HHAT: variants seen among roughly 807,000 people sequenced by gnomAD.
HHAT encodes protein-cysteine N-palmitoyltransferase HHAT.
A neutral mutation model predicts 70.8 loss-of-function variants in HHAT; 47 were observed. The ratio of observed to expected loss-of-function variants is 0.66; its 90% CI spans 0.53 to 0.85. HHAT has a LOEUF of 0.85. Among genes scored for constraint, HHAT ranks in the 40% least tolerant of loss-of-function variants. The probability of loss-of-function intolerance (pLI) is 0.00; values close to 1 mark genes in which losing one functional copy is unlikely to be tolerated. For synonymous variants in HHAT, 228 were observed against 247.6 expected, an observed-to-expected ratio of 0.92 and a Z score of 0.74; for missense variants, 609 against 604.8, an observed-to-expected ratio of 1.01 and a Z score of -0.07.
chr1:210,526,453 T>G (rs2095251490), intron 9 of HHAT, among the ~76,000 whole-genome samples: 1 of 151,082 alleles, frequency 6.6e-6, no homozygotes, highest in Admixed American at 6.6e-5. Context: ...CGCATGATCT[T>G]TAGTTAGCTT....
intron 8 of HHAT, among the ~76,000 whole-genome samples, chr1:210,490,302 A>G (rs1479768477): frequency 1.3e-5 from 2 of 152,222 alleles, no homozygotes; most frequent in Non-Finnish European, 2.9e-5. Flanking sequence ...CATTCTAAAG[A>G]GAGGAAAGAT....
intron 3 of HHAT, among the ~76,000 whole-genome samples, chr1:210,374,891 T>G (rs2090056283): frequency 1.3e-5 from 2 of 152,108 alleles, no homozygotes; most frequent in Admixed American, 6.5e-5. Context: ...ACCCAGGTAC[T>G]GAGCACAGTA....
At chr1:210,363,723 T>C (rs1194063495) in intron 3 of HHAT, among the ~76,000 whole-genome samples, 1 of 152,234 alleles carries the variant, frequency 6.6e-6, no homozygotes, top group Non-Finnish European at 1.5e-5. Context: ...ATTTGTTTTC[T>C]AAGTATTTTT....
chr1:210,597,873 C>T (rs1558243549), intron 10 of HHAT, among the ~76,000 whole-genome samples: 23 of 151,818 alleles, frequency 1.5e-4, no homozygotes, highest in Non-Finnish European at 1.5e-5. Flanking sequence ...TTTCCTCTTC[C>T]CTCTTCTTTT....
chr1:210,392,810 A>G (rs2091542331), intron 4 of HHAT, among the ~76,000 whole-genome samples: 1 of 152,082 alleles, frequency 6.6e-6, no homozygotes, highest in South Asian at 2.1e-4. Context: ...CGTTTATAGG[A>G]GATACAACCC....
At chr1:210,576,846 C>G (rs1657889313) in intron 9 of HHAT, among the ~76,000 whole-genome samples, 1 of 152,096 alleles carries the variant, frequency 6.6e-6, no homozygotes, top group African/African-American at 2.4e-5. Flanking sequence ...TGTTTACTTT[C>G]TTTCATCAAT....
chr1:210,430,259 A>C (rs2093204087), intron 7 of HHAT, among the ~76,000 whole-genome samples: 1 of 151,712 alleles, frequency 6.6e-6, no homozygotes, highest in African/African-American at 2.4e-5. Flanking sequence ...TGCTTACCTT[A>C]TATTTTCCTT....
chr1:210,355,590 C>G (rs73067747), intron 2 of HHAT, among the ~76,000 whole-genome samples: 2,299 of 152,258 alleles, frequency 0.015, 68 homozygotes, highest in African/African-American at 0.053. Context: ...AAACATACTG[C>G]TTTTTTCCCT....
chr1:210,449,889 T>C (rs1181996006), intron 7 of HHAT, among the ~76,000 whole-genome samples: 2 of 147,664 alleles, frequency 1.4e-5, no homozygotes, highest in Non-Finnish European at 3.0e-5. Flanking sequence ...CCAGGTGCTG[T>C]GTCGGGCCAC....
At chr1:210,330,265 A>T (rs533991544) in intron 1 of HHAT, among the ~76,000 whole-genome samples, 1 of 152,080 alleles carries the variant, frequency 6.6e-6, no homozygotes, top group South Asian at 2.1e-4. Context: ...TGATTGTTTG[A>T]TAAGGACAGC....
intron 8 of HHAT, among the ~76,000 whole-genome samples, chr1:210,486,499 C>T (rs1484849584): frequency 6.6e-6 from 1 of 152,104 alleles, no homozygotes. Flanking sequence ...GTATTCTGAC[C>T]ATCTGCAGCT....
chr1:210,565,389 G>C lies in HHAT; in HGVS notation c.1044-22509G>C, dbSNP rs192686907. Among the ~76,000 whole-genome samples, 30 of 152,272 alleles carry C rather than the reference G, an allele frequency of 2.0e-4. No homozygotes were observed. The East Asian group carries it at 4.2e-3, about 22-fold the overall frequency. On this transcript the variant is annotated intron_variant, in intron 9 of 11. Transcript: ENST00000261458. The stretch of plus-strand genomic sequence containing the variant: ...TCTTAGTCTGATCTGGCATGTTCCT[G>C]TACATCTCTGATGTGTTGCACAGTA...
At chr1:210,544,704 A>G (rs1269472018) in intron 9 of HHAT, among the ~76,000 whole-genome samples, 3 of 152,110 alleles carry the variant, frequency 2.0e-5, no homozygotes, top group Non-Finnish European at 4.4e-5. Context: ...TCTACCAGCT[A>G]TTCCTAATCT....
At chr1:210,365,616 CT>C (rs1189818159) in intron 3 of HHAT, among the ~76,000 whole-genome samples, 4 of 151,176 alleles carry the variant, frequency 2.6e-5, no homozygotes, top group African/African-American at 7.3e-5. Flanking sequence ...CCATGCCTGG[CT>C]GACATTTTAT....
rs890883950 is a variant in HHAT at position 210,407,855 on chromosome 1, T to C, written c.684+3176T>C. Among the ~76,000 whole-genome samples the C allele has an allele frequency of 3.9e-5, 6 of 152,126 alleles. No homozygotes were observed. In the East Asian group the frequency reaches 7.7e-4, roughly 20 times the overall value. On this transcript the variant is annotated intron_variant, in intron 6 of 11. Coordinates refer to ENST00000261458, the MANE Select transcript of HHAT (RefSeq NM_018194.6). ...AGGTTGACTGGTGTGGTGTGGGCAC[T>C]GGGGAGAAGAGCAGCCTTAGGGTGG...
chr1:210,445,029 G>A (rs1323818516), intron 7 of HHAT, among the ~76,000 whole-genome samples: 3 of 151,950 alleles, frequency 2.0e-5, no homozygotes, highest in Non-Finnish European at 4.4e-5. Context: ...TAGTAGAGAC[G>A]GGGTTTCACC....
intron 9 of HHAT, among the ~76,000 whole-genome samples, chr1:210,514,882 G>C (rs747123445): frequency 4.6e-5 from 7 of 152,232 alleles, no homozygotes; most frequent in Non-Finnish European, 7.3e-5. Context: ...TAGTTAGAGA[G>C]AGCAGTGGTC....
At chr1:210,328,827 C>A (rs1258958565), upstream of HHAT, 1 of 403,690 alleles carries the variant, frequency 2.5e-6, no homozygotes, top group African/African-American at 2.1e-5. Flanking sequence ...TGGCCCGCCC[C>A]CTGCAGCAGC....
chr1:210,419,454 C>T (rs923468948), intron 7 of HHAT, among the ~76,000 whole-genome samples: 3 of 152,210 alleles, frequency 2.0e-5, no homozygotes, highest in Non-Finnish European at 4.4e-5. Flanking sequence ...TCTTCACTTC[C>T]TTGTTCTCTC....
Sources: allele counts gnomAD v4.1 joint callset (sites outside exome capture counted in the v4.1 genomes callset), GRCh38; gene constraint gnomAD v4.1.1; transcripts MANE v1.5; gene names NCBI Gene and HGNC (gene_info 2026-07-23, HGNC 2026-07-21).